Variants in CDC123 observed in about 807,000 individuals in gnomAD.
The protein encoded by CDC123 is translation initiation factor eIF2 assembly protein.
CDC123 carries 37 observed loss-of-function variants against 54.4 expected under a neutral mutation model. That is an observed-to-expected ratio of 0.68 (90% CI 0.52 to 0.89). CDC123 has a LOEUF of 0.89. Ranked by LOEUF, CDC123 falls within the 40% of genes least tolerant of loss-of-function variation. The pLI, the probability that CDC123 is intolerant of heterozygous loss-of-function variation, is 0.00. For synonymous variants in CDC123, 144 were observed against 136.8 expected, an observed-to-expected ratio of 1.05 and a Z score of -0.37; for missense variants, 361 against 412.1, an observed-to-expected ratio of 0.88 and a Z score of 1.07.
Position 12,231,015 on chromosome 10 carries a change from T to C in CDC123, c.489+19T>C, listed in dbSNP as rs1835895932. 1 of 1,582,376 alleles carries C rather than the reference T, an allele frequency of 6.3e-7. No homozygotes were observed. Among genetic ancestry groups the C allele is most frequent in the Non-Finnish European group, 8.6e-7 (1 of 1,157,026 alleles). On this transcript the variant is annotated intron_variant, in intron 7 of 12. Coordinates refer to ENST00000281141, the MANE Select transcript of CDC123 (RefSeq NM_006023.3). ...ATATGAGGTAAGAAGCTTATTTTCT[T>C]TGATAATTGTAGATGAAGATGTGTT...
chr10:12,233,560 A>G (rs985088355), intron 7 of CDC123, among the ~76,000 whole-genome samples: 1 of 151,966 alleles, frequency 6.6e-6, no homozygotes, highest in Non-Finnish European at 1.5e-5. Flanking sequence ...TTGCTTATTT[A>G]TTTGTTGCTA....
At chr10:12,231,041 G>C (rs1835896686) in intron 7 of CDC123, 45 bp downstream of exon 7, 1 of 1,487,064 alleles carries the variant, frequency 6.7e-7, no homozygotes, top group Non-Finnish European at 9.2e-7. Context: ...AAGATGTGTT[G>C]AGAATTGCTA....
chr10:12,204,590 T>A (rs1210722035), intron 2 of CDC123, among the ~76,000 whole-genome samples: 2 of 152,172 alleles, frequency 1.3e-5, no homozygotes, highest in Non-Finnish European at 2.9e-5. Flanking sequence ...GAAAGGGGTG[T>A]CCATCCCCTC....
intron 11 of CDC123, 91 bp downstream of exon 11, chr10:12,246,368 C>T: frequency 7.0e-7 from 1 of 1,434,222 alleles, no homozygotes; most frequent in East Asian, 2.3e-5. Context: ...GCGGCAATGG[C>T]CAGGACCCTT....
At position 12,199,734 on chromosome 10, in the gene CDC123, C is replaced by T. The variant is rs556865669; in HGVS notation, c.146+958C>T. On this transcript the variant is annotated intron_variant, in intron 2 of 12. Coordinates refer to ENST00000281141, the MANE Select transcript of CDC123 (RefSeq NM_006023.3). ...AACCTGAAAATTATTAATGTAGCGC[C>T]TCATTAACTTTGAATAATTTGAGGC... Among the ~76,000 whole-genome samples the T allele has an allele frequency of 9.9e-5, 15 of 152,230 alleles. No homozygotes were observed. The South Asian group carries it at 2.9e-3, about 29-fold the overall frequency.
chr10:12,213,577 C>A (rs1430101548), intron 4 of CDC123, among the ~76,000 whole-genome samples: 2 of 147,182 alleles, frequency 1.4e-5, no homozygotes, highest in African/African-American at 5.0e-5. Context: ...TTTTTTTTTT[C>A]TGTAGAAGAC....
At chr10:12,221,788 TA>T (rs1179984121) in intron 6 of CDC123, among the ~76,000 whole-genome samples, 4 of 149,464 alleles carry the variant, frequency 2.7e-5, no homozygotes, top group African/African-American at 1.0e-4. Flanking sequence ...TTTATTTATT[TA>T]TTTTTTATTT....
intron 6 of CDC123, among the ~76,000 whole-genome samples, chr10:12,230,738 C>T (rs192555366): frequency 1.8e-4 from 28 of 152,172 alleles, no homozygotes; most frequent in African/African-American, 6.3e-4. Context: ...AACATTGTTT[C>T]GATGATTAAA....
intron 2 of CDC123, among the ~76,000 whole-genome samples, chr10:12,208,344 T>C (rs769606068): frequency 2.0e-5 from 3 of 152,132 alleles, no homozygotes; most frequent in Non-Finnish European, 4.4e-5. Context: ...CTCTAGGCAA[T>C]GAAGATGGGC....
chr10:12,197,950 A>G (rs1835388299), intron 1 of CDC123, among the ~76,000 whole-genome samples: 1 of 152,244 alleles, frequency 6.6e-6, no homozygotes, highest in South Asian at 2.1e-4. Context: ...ACTTCGGGAA[A>G]GCAGGCTGTA....
At chr10:12,233,033 A>T (rs1835923628) in intron 7 of CDC123, among the ~76,000 whole-genome samples, 1 of 152,114 alleles carries the variant, frequency 6.6e-6, no homozygotes, top group Non-Finnish European at 1.5e-5. Context: ...TGCTGGGATT[A>T]CAGGATTTCC....
At chr10:12,249,359 G>A (rs1836206715) in intron 11 of CDC123, among the ~76,000 whole-genome samples, 1 of 152,134 alleles carries the variant, frequency 6.6e-6, no homozygotes, top group South Asian at 2.1e-4. Flanking sequence ...GTTCACCTGA[G>A]CCCAGGAGGT....
At chr10:12,222,926 C>G (rs1221883661) in intron 6 of CDC123, among the ~76,000 whole-genome samples, 2 of 151,134 alleles carry the variant, frequency 1.3e-5, no homozygotes, top group East Asian at 3.9e-4. Flanking sequence ...GAGTCTCGCT[C>G]TGTTGCCCAG....
chr10:12,244,037 T>C (rs1287314597), intron 10 of CDC123, among the ~76,000 whole-genome samples: 4 of 152,210 alleles, frequency 2.6e-5, no homozygotes, highest in Admixed American at 2.6e-4. Flanking sequence ...TTGTATAAAA[T>C]GAGGAACTTA....
intron 2 of CDC123, among the ~76,000 whole-genome samples, chr10:12,206,697 G>A (rs955137928): frequency 1.3e-5 from 2 of 152,136 alleles, no homozygotes; most frequent in Non-Finnish European, 2.9e-5. Context: ...GGTGGCTTAT[G>A]CCTGTAATCC....
chr10:12,242,199 T>A (rs955728990), intron 10 of CDC123, among the ~76,000 whole-genome samples: 1 of 152,162 alleles, frequency 6.6e-6, no homozygotes, highest in African/African-American at 2.4e-5. Flanking sequence ...TCGTTCTTGT[T>A]AAGTGGTCCG....
chr10:12,226,349 C>G (rs924773062), intron 6 of CDC123, among the ~76,000 whole-genome samples: 1 of 148,546 alleles, frequency 6.7e-6, no homozygotes, highest in African/African-American at 2.5e-5. Flanking sequence ...GCTGGCCGGG[C>G]GGGGGCTGCC....
intron 2 of CDC123, among the ~76,000 whole-genome samples, chr10:12,206,706 C>G (rs1313083042): frequency 3.9e-5 from 6 of 152,110 alleles, no homozygotes; most frequent in Non-Finnish European, 8.8e-5. Context: ...TGCCTGTAAT[C>G]CCAGTGCTTT....
At chr10:12,228,317 A>T (rs1011495387) in intron 6 of CDC123, among the ~76,000 whole-genome samples, 2 of 152,144 alleles carry the variant, frequency 1.3e-5, no homozygotes, top group Non-Finnish European at 2.9e-5. Flanking sequence ...TTCTAGTTTT[A>T]GATTATTAGT....
Sources: gnomAD v4.1 joint callset for allele counts (sites outside exome capture counted in the v4.1 genomes callset) on GRCh38, gnomAD v4.1.1 for gene constraint, MANE v1.5 for transcripts, NCBI Gene and HGNC (gene_info 2026-07-23, HGNC 2026-07-21) for gene names.